Variants in ITGBL1 observed in about 807,000 individuals in gnomAD.
ITGBL1 encodes integrin beta-like protein 1.
In ITGBL1, 51 loss-of-function variants were observed where a neutral mutation model predicts 68.5. That is an observed-to-expected ratio of 0.74 (90% confidence interval 0.59 to 0.94). ITGBL1 has a LOEUF of 0.94. Ranked by LOEUF, ITGBL1 falls within the 40% of genes least tolerant of loss-of-function variation. The pLI, the probability that ITGBL1 is intolerant of heterozygous loss-of-function variation, is 0.00. For missense variants in ITGBL1, 649 were observed against 647.4 expected (o/e 1.00, Z -0.03); for synonymous variants, 209 against 227.3 (o/e 0.92, Z 0.72).
intron 2 of ITGBL1, among the ~76,000 whole-genome samples, chr13:101,466,149 A>C (rs557112561): frequency 2.0e-5 from 3 of 152,264 alleles, no homozygotes; most frequent in African/African-American, 7.2e-5. Flanking sequence ...GTTTTTACTT[A>C]ATTTTCTGCT....
chr13:101,695,502 T>C (rs928525900), intron 8 of ITGBL1, among the ~76,000 whole-genome samples: 3 of 152,208 alleles, frequency 2.0e-5, no homozygotes, highest in Non-Finnish European at 4.4e-5. Context: ...AGCTTAAACA[T>C]GATCACAGTG....
At chr13:101,622,573 T>A (rs1354014436) in intron 7 of ITGBL1, among the ~76,000 whole-genome samples, 1 of 152,184 alleles carries the variant, frequency 6.6e-6, no homozygotes, top group Non-Finnish European at 1.5e-5. Context: ...TCTGACTCCA[T>A]GAGTAGTGTT....
chr13:101,634,046 A>G (rs975653259), intron 7 of ITGBL1, among the ~76,000 whole-genome samples: 3 of 152,220 alleles, frequency 2.0e-5, no homozygotes, highest in Non-Finnish European at 4.4e-5. Context: ...CAATAGTACT[A>G]GTTTAACCTT....
intron 2 of ITGBL1, among the ~76,000 whole-genome samples, chr13:101,501,503 C>T (rs961312099): frequency 6.6e-5 from 10 of 152,150 alleles, no homozygotes; most frequent in African/African-American, 2.4e-4. Context: ...CTGACACTGA[C>T]ATCCTCAACA....
intron 2 of ITGBL1, among the ~76,000 whole-genome samples, chr13:101,454,692 C>T (rs1319948730): frequency 1.3e-5 from 2 of 152,148 alleles, no homozygotes; most frequent in Non-Finnish European, 2.9e-5. Flanking sequence ...GTATTATTTT[C>T]CTCCATTCTA....
rs34627046 is a variant in ITGBL1 at position 101,689,211 on chromosome 13, T to TAAAAAAAAAAAAAAAAAAAAAAA, written c.1016-3352_1016-3351insAAAAAAAAAAAAAAAAAAAAAAA. On this transcript the variant is annotated intron_variant, in intron 7 of 10. Transcript: ENST00000376180. ...CCTGGGGACAGAGCAAGACTCTGCCTAAAAAAAAAAAAAAAAAAAAAATTA... is the reference window on the plus strand; with the variant it reads ...CCTGGGGACAGAGCAAGACTCTGCCTAAAAAAAAAAAAAAAAAAAAAAAAAAAAAAAAAAAAAAAAAAAAATTA... 7.0e-3 allele frequency among the ~76,000 whole-genome samples: 525 copies of TAAAAAAAAAAAAAAAAAAAAAAA among 74,776 alleles called. 37 individuals carry two copies. Among genetic ancestry groups the TAAAAAAAAAAAAAAAAAAAAAAA allele is most frequent in the East Asian group, 0.022 (18 of 830 alleles). 49.1% of individuals were successfully genotyped at this position (74,776 alleles called of 152,430 possible). A position where few individuals can be genotyped will look rare whatever the true frequency, so the allele number is the denominator to read the frequency against.
At chr13:101,494,594 A>G (rs2048828670) in intron 2 of ITGBL1, among the ~76,000 whole-genome samples, 3 of 152,348 alleles carry the variant, frequency 2.0e-5, no homozygotes, top group South Asian at 4.1e-4. Flanking sequence ...AAGAAGGAAA[A>G]TGCTATACAT....
intron 2 of ITGBL1, among the ~76,000 whole-genome samples, chr13:101,485,903 A>G (rs1381834823): frequency 3.3e-5 from 5 of 152,198 alleles, no homozygotes; most frequent in African/African-American, 1.2e-4. Flanking sequence ...GAGAATATAA[A>G]TTAGTGTAAT....
At chr13:101,594,417 A>G (rs1327139643) in intron 6 of ITGBL1, among the ~76,000 whole-genome samples, 1 of 152,188 alleles carries the variant, frequency 6.6e-6, no homozygotes, top group Non-Finnish European at 1.5e-5. Flanking sequence ...CTCATACTGT[A>G]TATAAAAATC....
intron 7 of ITGBL1, among the ~76,000 whole-genome samples, chr13:101,680,054 C>T (rs979817672): frequency 6.6e-6 from 1 of 152,142 alleles, no homozygotes; most frequent in Admixed American, 6.5e-5. Context: ...GTAATGTCAA[C>T]GTGGCTTGCA....
chr13:101,546,760 A>G (rs1017999004), intron 2 of ITGBL1, among the ~76,000 whole-genome samples: 1 of 152,110 alleles, frequency 6.6e-6, no homozygotes, highest in Non-Finnish European at 1.5e-5. Context: ...AATTTAGATG[A>G]ATCTCAATTT....
chr13:101,566,577 C>T (rs1323444382), intron 2 of ITGBL1, among the ~76,000 whole-genome samples: 1 of 152,148 alleles, frequency 6.6e-6, no homozygotes, highest in Non-Finnish European at 1.5e-5. Context: ...TTTAAAGTCA[C>T]AGCCAATCAC....
intron 7 of ITGBL1, among the ~76,000 whole-genome samples, chr13:101,662,736 T>G (rs974126066): frequency 1.3e-5 from 2 of 152,154 alleles, no homozygotes; most frequent in Non-Finnish European, 2.9e-5. Context: ...CCGTTCAGTT[T>G]TTCTCGGTAA....
chr13:101,621,840 A>C lies in ITGBL1; in HGVS notation c.1015+23541A>C, dbSNP rs114964424. The stretch of plus-strand genomic sequence containing the variant: ...TTGAGGGGATAATTGAAATAAGGAA[A>C]TGGAAAAGTATGGCTGATTATCCCC... On this transcript the variant is annotated intron_variant, in intron 7 of 10. Coordinates refer to ENST00000376180, the MANE Select transcript of ITGBL1 (RefSeq NM_004791.3). Among the ~76,000 whole-genome samples, 849 of 152,236 alleles carry C rather than the reference A, an allele frequency of 5.6e-3. 10 individuals carry two copies. The highest frequency in any genetic ancestry group is 0.019 in the African/African-American group (799 of 41,564).
intron 7 of ITGBL1, among the ~76,000 whole-genome samples, chr13:101,646,946 C>T (rs975714677): frequency 4.0e-5 from 6 of 151,846 alleles, no homozygotes; most frequent in African/African-American, 4.8e-5. Flanking sequence ...GTATATAATC[C>T]GTTAACAAGA....
At chr13:101,506,995 A>C (rs1418957312) in intron 2 of ITGBL1, among the ~76,000 whole-genome samples, 1 of 152,156 alleles carries the variant, frequency 6.6e-6, no homozygotes, top group Non-Finnish European at 1.5e-5. Flanking sequence ...GAGAAGGAGA[A>C]CTGCTGGGGT....
chr13:101,567,425 T>C (rs1426921831), intron 2 of ITGBL1, among the ~76,000 whole-genome samples: 1 of 152,170 alleles, frequency 6.6e-6, no homozygotes, highest in Non-Finnish European at 1.5e-5. Context: ...TGCTGAATTT[T>C]CTGACCCTGT....
intron 2 of ITGBL1, among the ~76,000 whole-genome samples, chr13:101,533,947 G>A (rs1306905425): frequency 6.6e-6 from 1 of 152,082 alleles, no homozygotes; most frequent in Non-Finnish European, 1.5e-5. Context: ...TCAAATCTTT[G>A]CCTATTTTCC....
intron 7 of ITGBL1, among the ~76,000 whole-genome samples, chr13:101,607,650 T>C (rs2030933913): frequency 6.6e-6 from 1 of 151,996 alleles, no homozygotes; most frequent in Non-Finnish European, 1.5e-5. Flanking sequence ...AAGAAAAAAG[T>C]CCAATTTATA....
Sources: gnomAD v4.1 joint callset for allele counts (sites outside exome capture counted in the v4.1 genomes callset) on GRCh38, gnomAD v4.1.1 for gene constraint, MANE v1.5 for transcripts, NCBI Gene and HGNC (gene_info 2026-07-23, HGNC 2026-07-21) for gene names.